RTL4: variants seen among roughly 807,000 people sequenced by gnomAD.
RTL4 encodes retrotransposon Gag-like protein 4.
In RTL4, 4 loss-of-function variants were observed where a neutral mutation model predicts 5.3. The ratio of observed to expected loss-of-function variants is 0.75; its 90% CI spans 0.37 to 1.72. The LOEUF (loss-of-function observed/expected upper bound fraction) is 1.72. Ranked by LOEUF, RTL4 falls within the 40% of genes most tolerant of loss-of-function variation. The probability of loss-of-function intolerance (pLI) is 0.04; values close to 1 mark genes in which losing one functional copy is unlikely to be tolerated. For missense variants in RTL4, 260 were observed against 227.1 expected (o/e 1.14, Z -0.93); for synonymous variants, 98 against 87.3 (o/e 1.12, Z -0.68).
At chrX:112,298,992 A>T in the RTL4 span, among the ~76,000 whole-genome samples, 1 of 112,536 alleles carries the variant, frequency 8.9e-6, no homozygotes, top group Non-Finnish European at 1.9e-5. Flanking sequence ...AAGACCTTTT[A>T]TGTCCTTCTC....
chrX:112,290,181 T>C, the RTL4 span, among the ~76,000 whole-genome samples: 4 of 111,518 alleles, frequency 3.6e-5, no homozygotes, highest in African/African-American at 1.3e-4. Flanking sequence ...TGGAATGCAG[T>C]AGAGACTAAA....
the RTL4 span, among the ~76,000 whole-genome samples, chrX:112,346,229 A>G: frequency 2.4e-3 from 266 of 112,042 alleles, 1 homozygote; most frequent in African/African-American, 7.9e-3. Context: ...TGACAAAAGT[A>G]TGACTGTGGT....
the RTL4 span, among the ~76,000 whole-genome samples, chrX:112,272,111 A>G: frequency 3.6e-5 from 4 of 112,015 alleles, no homozygotes; most frequent in African/African-American, 1.3e-4. Context: ...CATGCCATGC[A>G]TTAGATCTGC....
chrX:112,114,374 C>T, the RTL4 span, among the ~76,000 whole-genome samples: 17 of 111,608 alleles, frequency 1.5e-4, no homozygotes, highest in African/African-American at 4.2e-4. Context: ...ACTAAGATAC[C>T]GGGTATCTCC....
the RTL4 span, among the ~76,000 whole-genome samples, chrX:112,409,024 A>G: frequency 8.9e-6 from 1 of 112,665 alleles, no homozygotes; most frequent in Non-Finnish European, 1.9e-5. Context: ...GAAATGCTAA[A>G]GGGCATTTTT....
At chrX:112,356,560 C>A in the RTL4 span, among the ~76,000 whole-genome samples, 1 of 102,719 alleles carries the variant, frequency 9.7e-6, no homozygotes, top group Non-Finnish European at 2.0e-5. Flanking sequence ...TTATATCAAT[C>A]AAATCCCATT....
the RTL4 span, among the ~76,000 whole-genome samples, chrX:112,302,752 A>G: frequency 8.9e-6 from 1 of 112,643 alleles, no homozygotes; most frequent in Non-Finnish European, 1.9e-5. Flanking sequence ...GCACTGGGAT[A>G]AATTGGTGAA....
the RTL4 span, among the ~76,000 whole-genome samples, chrX:112,367,902 GT>G: frequency 8.9e-6 from 1 of 111,896 alleles, no homozygotes; most frequent in African/African-American, 3.2e-5. Flanking sequence ...GGATTGAGGA[GT>G]TCTACGCATA....
chrX:112,208,227 T>C, the RTL4 span, among the ~76,000 whole-genome samples: 1 of 111,972 alleles, frequency 8.9e-6, no homozygotes, highest in South Asian at 3.8e-4. Flanking sequence ...CATGTTCCTC[T>C]GTTTTTTAAT....
At chrX:112,157,264 T>A in the RTL4 span, among the ~76,000 whole-genome samples, 1 of 111,595 alleles carries the variant, frequency 9.0e-6, no homozygotes, top group South Asian at 3.8e-4. Context: ...TTTTTTAAAG[T>A]GAAACCTTAA....
chrX:112,363,892 G>A, the RTL4 span, among the ~76,000 whole-genome samples: 1 of 111,092 alleles, frequency 9.0e-6, no homozygotes, highest in Admixed American at 9.6e-5. Flanking sequence ...CTGTGATGTG[G>A]GGAGATTTTT....
At chrX:112,348,846 A>C in the RTL4 span, among the ~76,000 whole-genome samples, 20 of 110,481 alleles carry the variant, frequency 1.8e-4, no homozygotes, top group African/African-American at 6.2e-4. Flanking sequence ...TGGGTCATAC[A>C]ACAAGGAGAG....
the RTL4 span, among the ~76,000 whole-genome samples, chrX:112,384,123 C>T: frequency 1.8e-5 from 2 of 111,270 alleles, no homozygotes; most frequent in East Asian, 5.6e-4. Flanking sequence ...TAAGAAATAC[C>T]CCAAATTTTC....
the RTL4 span, chrX:112,382,331 C>G: frequency 1.9e-6 from 1 of 527,545 alleles, no homozygotes; most frequent in Non-Finnish European, 3.1e-6. Context: ...TGTAAAATCT[C>G]TATCATGATG....
the RTL4 span, among the ~76,000 whole-genome samples, chrX:112,246,315 G>A: frequency 8.9e-6 from 1 of 111,940 alleles, no homozygotes; most frequent in East Asian, 2.8e-4. Flanking sequence ...GCTCTGCCCT[G>A]CCCCAGAGGT....
the RTL4 span, among the ~76,000 whole-genome samples, chrX:112,160,937 A>G: frequency 9.0e-6 from 1 of 110,528 alleles, no homozygotes; most frequent in East Asian, 2.8e-4. Flanking sequence ...GTGGAAACAG[A>G]AAGGAAATGA....
chrX:112,385,044 T>C, the RTL4 span, among the ~76,000 whole-genome samples: 1 of 111,388 alleles, frequency 9.0e-6, no homozygotes, highest in Non-Finnish European at 1.9e-5. Flanking sequence ...GCTTGTGATT[T>C]TTGCACATTT....
the RTL4 span, among the ~76,000 whole-genome samples, chrX:112,361,767 T>C: frequency 3.6e-5 from 4 of 111,086 alleles, no homozygotes; most frequent in Non-Finnish European, 5.7e-5. Flanking sequence ...GCTTGCTCGC[T>C]CTCCCCTTTA....
chrX:112,210,796 G>T, the RTL4 span, among the ~76,000 whole-genome samples: 1 of 112,241 alleles, frequency 8.9e-6, no homozygotes, highest in Non-Finnish European at 1.9e-5. Context: ...TTTAGCTCTT[G>T]TGAGAACTTA....
Sources: gnomAD v4.1 joint callset for allele counts (sites outside exome capture counted in the v4.1 genomes callset) on GRCh38, gnomAD v4.1.1 for gene constraint, MANE v1.5 for transcripts, NCBI Gene and HGNC (gene_info 2026-07-23, HGNC 2026-07-21) for gene names.